The following NELL1 variants were observed in gnomAD, a reference collection of about 807,000 sequenced individuals.
The protein encoded by NELL1 is neural EGFL like 1.
In NELL1, 76 loss-of-function variants were observed where a neutral mutation model predicts 107.4. The observed-to-expected ratio is 0.71, with a 90% CI of 0.59 to 0.86. The LOEUF is 0.86. Among genes scored for constraint, NELL1 ranks in the 40% least tolerant of loss-of-function variants. The pLI is 0.00. For missense variants in NELL1, 1,024 were observed against 1,005.5 expected (o/e 1.02, Z -0.25); for synonymous variants, 353 against 341.2 (o/e 1.03, Z -0.38).
chr11:20,911,106 A>G (rs543750406), intron 5 of NELL1, among the ~76,000 whole-genome samples: 21 of 152,324 alleles, frequency 1.4e-4, no homozygotes, highest in South Asian at 4.1e-4. Flanking sequence ...CCTATTATCT[A>G]TTCCAGCTTG....
chr11:20,748,517 T>C (rs1396564492), intron 2 of NELL1, among the ~76,000 whole-genome samples: 1 of 152,116 alleles, frequency 6.6e-6, no homozygotes, highest in Admixed American at 6.5e-5. Flanking sequence ...GTAGTGTACA[T>C]TGTACCCAGT....
intron 15 of NELL1, among the ~76,000 whole-genome samples, chr11:21,519,374 G>C (rs1855656180): frequency 6.6e-6 from 1 of 152,134 alleles, no homozygotes; most frequent in Admixed American, 6.5e-5. Flanking sequence ...TTAGTATGTT[G>C]TGTGGGACCA....
chr11:20,683,688 T>C (rs1388161468), intron 2 of NELL1, among the ~76,000 whole-genome samples: 1 of 152,186 alleles, frequency 6.6e-6, no homozygotes, highest in Non-Finnish European at 1.5e-5. Flanking sequence ...TTTTAGATTT[T>C]GTACATCTGC....
chr11:20,677,780 A>G, intron 1 of NELL1, 152 bp from the exon 2 acceptor site: 1 of 835,922 alleles, frequency 1.2e-6, no homozygotes, highest in Non-Finnish European at 1.9e-6. Flanking sequence ...AAGGGAGCAA[A>G]GATTTGCTTT....
At chr11:21,411,533 A>G (rs1852376600) in intron 15 of NELL1, among the ~76,000 whole-genome samples, 1 of 152,030 alleles carries the variant, frequency 6.6e-6, no homozygotes, top group Non-Finnish European at 1.5e-5. Flanking sequence ...TGAAAAAGTT[A>G]TTTGAGGTCT....
chr11:20,871,998 G>A (rs1350771078), intron 4 of NELL1, among the ~76,000 whole-genome samples: 7 of 111,186 alleles, frequency 6.3e-5, no homozygotes, highest in Non-Finnish European at 8.5e-5. Flanking sequence ...CAGCCTGGGC[G>A]ACAGAGAAAG....
At chr11:21,443,851 C>G (rs549224049) in intron 15 of NELL1, among the ~76,000 whole-genome samples, 1 of 142,726 alleles carries the variant, frequency 7.0e-6, no homozygotes, top group East Asian at 2.1e-4. Context: ...GAGCGAGACT[C>G]TGTCTCAAAG....
chr11:21,265,572 GA>G (rs567606945), intron 14 of NELL1, among the ~76,000 whole-genome samples: 1 of 151,498 alleles, frequency 6.6e-6, no homozygotes, highest in African/African-American at 2.4e-5. Flanking sequence ...ATTCTTTTTA[GA>G]AAAAAAAGTA....
chr11:21,420,965 G>A (rs1203577487), intron 15 of NELL1, among the ~76,000 whole-genome samples: 1 of 151,968 alleles, frequency 6.6e-6, no homozygotes, highest in East Asian at 1.9e-4. Context: ...ATCAGTAAAG[G>A]CTACAAGATA....
At chr11:21,322,871 C>T (rs1850044729) in intron 14 of NELL1, among the ~76,000 whole-genome samples, 1 of 152,086 alleles carries the variant, frequency 6.6e-6, no homozygotes, top group South Asian at 2.1e-4. Context: ...ACTAGGCAAG[C>T]AATTTCTCCC....
Position 21,289,538 on chromosome 11 carries a change from G to A in NELL1, c.1549+60084G>A, listed in dbSNP as rs2133957667. Among the ~76,000 whole-genome samples the A allele has an allele frequency of 3.3e-5, 5 of 152,182 alleles. No homozygotes were observed. In the South Asian group the frequency reaches 1.0e-3, roughly 32 times the overall value. ...CTTGCAGACCAGGAGATTCCCTTGG[G>A]TGCCTGTATCACCAGGCCCTGGGTT... On this transcript the variant is annotated intron_variant, in intron 14 of 19. Transcript: ENST00000357134.
intron 13 of NELL1, among the ~76,000 whole-genome samples, chr11:21,197,861 G>C (rs1002794690): frequency 6.6e-6 from 1 of 152,152 alleles, no homozygotes; most frequent in African/African-American, 2.4e-5. Context: ...CCCTGAGCTT[G>C]GAGCTAGGGA....
intron 14 of NELL1, among the ~76,000 whole-genome samples, chr11:21,359,539 C>T (rs993470899): frequency 6.6e-6 from 1 of 151,914 alleles, no homozygotes; most frequent in Non-Finnish European, 1.5e-5. Context: ...GGGAGGATTC[C>T]CTCTTTGTCT....
intron 14 of NELL1, among the ~76,000 whole-genome samples, chr11:21,279,294 G>C (rs185686314): frequency 2.6e-5 from 4 of 152,252 alleles, no homozygotes; most frequent in Admixed American, 2.6e-4. Context: ...TGTAACGTTT[G>C]TTCTAGAAAA....
chr11:21,543,570 C>T (rs1373099858), intron 16 of NELL1, among the ~76,000 whole-genome samples: 1 of 151,870 alleles, frequency 6.6e-6, no homozygotes, highest in Middle Eastern at 3.2e-3. Context: ...CTTCTGGGTC[C>T]CCCAGAAAGG....
At chr11:21,204,248 A>C (rs766438647) in intron 13 of NELL1, among the ~76,000 whole-genome samples, 2 of 152,070 alleles carry the variant, frequency 1.3e-5, no homozygotes, top group Admixed American at 6.6e-5. Context: ...AGGTACACCA[A>C]TCAAATGTAG....
intron 2 of NELL1, among the ~76,000 whole-genome samples, chr11:20,718,103 T>C (rs1356968717): frequency 6.6e-6 from 1 of 152,164 alleles, no homozygotes; most frequent in African/African-American, 2.4e-5. Context: ...AAGGAGAGGG[T>C]TGAATTAAAT....
intron 4 of NELL1, among the ~76,000 whole-genome samples, chr11:20,862,535 G>A (rs142988454): frequency 6.4e-4 from 96 of 150,038 alleles, no homozygotes; most frequent in African/African-American, 2.2e-3. Flanking sequence ...CAAAGGTATC[G>A]TGTCATCTAT....
chr11:20,942,217 C>T (rs567310943), intron 10 of NELL1, among the ~76,000 whole-genome samples: 2 of 152,166 alleles, frequency 1.3e-5, no homozygotes, highest in South Asian at 4.1e-4. Context: ...CTCTCATTGG[C>T]CAGACTGTAC....
Sources: gnomAD v4.1 joint callset for allele counts (sites outside exome capture counted in the v4.1 genomes callset) on GRCh38, gnomAD v4.1.1 for gene constraint, MANE v1.5 for transcripts, NCBI Gene and HGNC (gene_info 2026-07-23, HGNC 2026-07-21) for gene names.